The following TOX variants were observed in gnomAD, a reference collection of about 807,000 sequenced individuals.
TOX encodes the protein thymocyte selection-associated high mobility group box protein TOX.
In TOX, 11 loss-of-function variants were observed where a neutral mutation model predicts 53.7. The observed-to-expected ratio is 0.20, with a 90% CI of 0.13 to 0.34. TOX has a LOEUF of 0.34. Ranked by LOEUF, TOX falls within the 10% of genes least tolerant of loss-of-function variation. The pLI, the probability that TOX is intolerant of heterozygous loss-of-function variation, is 1.00. For synonymous variants in TOX, 225 were observed against 245.3 expected, an observed-to-expected ratio of 0.92 and a Z score of 0.77; for missense variants, 570 against 664.6, an observed-to-expected ratio of 0.86 and a Z score of 1.56.
chr8:59,060,484 G>T (rs181792543), intron 1 of TOX, among the ~76,000 whole-genome samples: 2 of 152,118 alleles, frequency 1.3e-5, no homozygotes, highest in Non-Finnish European at 2.9e-5. Context: ...AACATTAGCC[G>T]GGCGTGCTGG....
chr8:58,813,625 C>A (rs749628968), intron 7 of TOX, among the ~76,000 whole-genome samples: 1 of 152,158 alleles, frequency 6.6e-6, no homozygotes, highest in Non-Finnish European at 1.5e-5. Flanking sequence ...TGGTCATATG[C>A]CTCTTAAGAC....
chr8:58,875,042 G>T (rs1359622876), intron 3 of TOX, among the ~76,000 whole-genome samples: 2 of 152,184 alleles, frequency 1.3e-5, no homozygotes, highest in African/African-American at 4.8e-5. Flanking sequence ...GAAGATTCCT[G>T]CATTTCCCTT....
chr8:58,965,742 A>G (rs920399487), intron 1 of TOX, among the ~76,000 whole-genome samples: 1 of 152,150 alleles, frequency 6.6e-6, no homozygotes, highest in Non-Finnish European at 1.5e-5. Flanking sequence ...GTTTGAAAAG[A>G]AGGGCTAAAA....
At chr8:59,054,753 G>A (rs772523210) in intron 1 of TOX, among the ~76,000 whole-genome samples, 2 of 149,684 alleles carry the variant, frequency 1.3e-5, no homozygotes, top group Non-Finnish European at 3.0e-5. Context: ...AGTACCAACA[G>A]CCACCACAAG....
chr8:59,107,707 G>C (rs1199956563), intron 1 of TOX, among the ~76,000 whole-genome samples: 1 of 152,144 alleles, frequency 6.6e-6, no homozygotes, highest in Non-Finnish European at 1.5e-5. Flanking sequence ...CTGATATTCT[G>C]ATATTCTGCC....
chr8:58,813,518 A>G (rs926819140), intron 7 of TOX, among the ~76,000 whole-genome samples: 1 of 152,150 alleles, frequency 6.6e-6, no homozygotes, highest in East Asian at 1.9e-4. Flanking sequence ...TACAAACACT[A>G]CTGGTTCATT....
At chr8:59,115,492 A>G (rs1208482605) in intron 1 of TOX, among the ~76,000 whole-genome samples, 1 of 152,230 alleles carries the variant, frequency 6.6e-6, no homozygotes, top group Non-Finnish European at 1.5e-5. Flanking sequence ...ATCACTACAG[A>G]ACTCCAATTG....
Position 59,119,103 on chromosome 8 carries a change from C to A in TOX, c.-116G>T. The A allele has an allele frequency of 1.6e-6, 1 of 609,644 alleles. No individual in the cohort carries two copies. The highest frequency in any genetic ancestry group is 2.9e-6 in the Non-Finnish European group (1 of 350,372). The allele number at this position is 609,644 out of a possible 1,614,324, so 37.8% of individuals were successfully genotyped here. ...TCTGGGCTCAGGAGTAAAAGAAACA[C>A]CTTCCTTCCCTCACATCCGTTTGTG... On this transcript the variant is annotated 5_prime_UTR_variant, in exon 1 of 9. Transcript: ENST00000361421.
intron 1 of TOX, among the ~76,000 whole-genome samples, chr8:59,006,590 C>CAGAAA (rs1813795479): frequency 6.6e-6 from 1 of 152,168 alleles, no homozygotes; most frequent in Non-Finnish European, 1.5e-5. Flanking sequence ...GCAGTCTTTT[C>CAGAAA]TAATCTTTAT....
intron 1 of TOX, among the ~76,000 whole-genome samples, chr8:59,103,649 C>T (rs1001787441): frequency 1.3e-5 from 2 of 152,164 alleles, no homozygotes; most frequent in Non-Finnish European, 2.9e-5. Context: ...CATTAGGGCA[C>T]TCCAGTGGAA....
At chr8:58,968,023 A>G (rs938771628) in intron 1 of TOX, among the ~76,000 whole-genome samples, 13 of 152,254 alleles carry the variant, frequency 8.5e-5, no homozygotes, top group African/African-American at 3.1e-4. Context: ...AGACAGAAAC[A>G]AACTTATGAA....
At chr8:59,056,753 C>T in intron 1 of TOX, among the ~76,000 whole-genome samples, 1 of 152,160 alleles carries the variant, frequency 6.6e-6, no homozygotes. Context: ...ATTGAAAAAA[C>T]CAACTGTGCA....
At chr8:58,907,006 T>C (rs774820730) in intron 3 of TOX, among the ~76,000 whole-genome samples, 1 of 152,248 alleles carries the variant, frequency 6.6e-6, no homozygotes, top group Non-Finnish European at 1.5e-5. Context: ...TTCATAATTA[T>C]ATTCTGACAT....
At chr8:58,818,204 A>G (rs567002180) in intron 6 of TOX, among the ~76,000 whole-genome samples, 8 of 152,326 alleles carry the variant, frequency 5.3e-5, no homozygotes, top group Admixed American at 2.0e-4. Context: ...ATATCAAAGC[A>G]CACAAAGACC....
chr8:58,995,740 C>T (rs975769877), intron 1 of TOX, among the ~76,000 whole-genome samples: 12 of 152,176 alleles, frequency 7.9e-5, no homozygotes, highest in African/African-American at 2.2e-4. Context: ...ATATGCTGGT[C>T]GTCTTTTCCA....
chr8:58,850,317 G>T lies in TOX; in HGVS notation c.693+1207C>A, dbSNP rs139203122. Among the ~76,000 whole-genome samples the T allele has an allele frequency of 1.8e-3, 275 of 152,342 alleles. 1 individual carries two copies. Among genetic ancestry groups the T allele is most frequent in the Middle Eastern group, 0.01 (3 of 294 alleles). On this transcript the variant is annotated intron_variant, in intron 4 of 8. Transcript: ENST00000361421. ...AGAGCCCACAGGGCCACCTAGGGAA[G>T]TACCCAGGTTGGCCAGGAGACAGAA...
intron 3 of TOX, among the ~76,000 whole-genome samples, chr8:58,871,874 C>T (rs1336288395): frequency 6.6e-6 from 1 of 152,046 alleles, no homozygotes; most frequent in Non-Finnish European, 1.5e-5. Flanking sequence ...ATATACAGGT[C>T]AGTATTCATA....
rs1805144463 is a variant in TOX, at chr8:59,118,298, C to A, written c.102+588G>T. ...AGCTACCCCGCTGTGCTCTGGCCCG[C>A]GGACCTGTGTCCGAACCCGGGCTCG... On this transcript the variant is annotated intron_variant, in intron 1 of 8. Coordinates refer to ENST00000361421, the MANE Select transcript of TOX (RefSeq NM_014729.3). The surrounding 1 kb of genome is among the most constrained non-coding windows in gnomAD (Gnocchi z 4.1). Among the ~76,000 whole-genome samples the A allele has an allele frequency of 2.0e-5, 3 of 152,362 alleles. No individual in the cohort carries two copies. The highest frequency in any genetic ancestry group is 4.1e-4 in the South Asian group (2 of 4,832).
At chr8:58,879,334 G>A (rs1811344143) in intron 3 of TOX, among the ~76,000 whole-genome samples, 1 of 152,122 alleles carries the variant, frequency 6.6e-6, no homozygotes, top group Admixed American at 6.5e-5. Context: ...GTCAATTAGT[G>A]CATATAATTT....
Sources: gnomAD v4.1 joint callset for allele counts (sites outside exome capture counted in the v4.1 genomes callset) on GRCh38, gnomAD v4.1.1 for gene constraint, Gnocchi (gnomAD v3.1) non-coding constraint, MANE v1.5 for transcripts, NCBI Gene and HGNC (gene_info 2026-07-23, HGNC 2026-07-21) for gene names.